Variants in SGO2 observed in about 807,000 individuals in gnomAD.
The protein encoded by SGO2 is shugoshin 2.
In SGO2, 68 loss-of-function variants were observed where a neutral mutation model predicts 99.5. That is an observed-to-expected ratio of 0.68 (90% CI 0.56 to 0.84). SGO2 has a LOEUF of 0.84. SGO2 is among the 40% of genes least tolerant of loss of function. The pLI, the probability that SGO2 is intolerant of heterozygous loss-of-function variation, is 0.00. For synonymous variants in SGO2, 457 were observed against 487.1 expected, an observed-to-expected ratio of 0.94 and a Z score of 0.81; for missense variants, 1,350 against 1,436.7, an observed-to-expected ratio of 0.94 and a Z score of 0.97.
chr2:200,531,614 C>T (rs894733374), intron 1 of SGO2, among the ~76,000 whole-genome samples: 1 of 152,134 alleles, frequency 6.6e-6, no homozygotes, highest in African/African-American at 2.4e-5. Context: ...TAGAGGACCT[C>T]ATGAGTCTGG....
In SGO2 at chr2:200,558,363, C is replaced by T. The variant is rs539898741; in HGVS notation, c.474-11300C>T. Among the ~76,000 whole-genome samples the T allele has an allele frequency of 1.2e-4, 18 of 152,006 alleles. No individual in the cohort carries two copies. In the East Asian group the frequency reaches 1.4e-3, roughly 11 times the overall value. On this transcript the variant is annotated intron_variant, in intron 5 of 8. Coordinates refer to ENST00000357799, the MANE Select transcript of SGO2 (RefSeq NM_152524.6). ...TGAATAACTACTGAATTTTATCAAA[C>T]GCTTTTTCTGTCACTATTGAGTAGA...
intron 1 of SGO2, among the ~76,000 whole-genome samples, chr2:200,531,249 T>G (rs1046763795): frequency 2.0e-5 from 3 of 152,190 alleles, no homozygotes; most frequent in African/African-American, 7.2e-5. Context: ...GAGAAAGTTC[T>G]CCACAGGTTG....
intron 8 of SGO2, among the ~76,000 whole-genome samples, chr2:200,578,554 G>A (rs895132856): frequency 6.6e-6 from 1 of 152,200 alleles, no homozygotes; most frequent in African/African-American, 2.4e-5. Context: ...ATTTCCTTGT[G>A]GTTCTGGACA....
intron 5 of SGO2, among the ~76,000 whole-genome samples, chr2:200,567,596 C>T (rs2033238607): frequency 2.0e-5 from 3 of 152,232 alleles, no homozygotes; most frequent in African/African-American, 7.2e-5. Context: ...AATCTCATAT[C>T]TATAAGCAGT....
chr2:200,528,146 T>C (rs1425036938), intron 1 of SGO2, among the ~76,000 whole-genome samples: 1 of 152,208 alleles, frequency 6.6e-6, no homozygotes, highest in African/African-American at 2.4e-5. Flanking sequence ...AGTGTCAAAT[T>C]GTATAGTACT....
At chr2:200,558,879 T>C (rs1368294415) in intron 5 of SGO2, among the ~76,000 whole-genome samples, 1 of 151,996 alleles carries the variant, frequency 6.6e-6, no homozygotes, top group African/African-American at 2.4e-5. Flanking sequence ...CTTGGCTCAC[T>C]GCAGCCTCTG....
chr2:200,562,594 G>A lies in SGO2; in HGVS notation c.474-7069G>A, dbSNP rs958704882. Among the ~76,000 whole-genome samples, 299 of 152,244 alleles carry A rather than the reference G, an allele frequency of 2.0e-3. 5 individuals carry two copies. The highest frequency in any genetic ancestry group is 3.8e-4 in the Non-Finnish European group (26 of 68,006). On this transcript the variant is annotated intron_variant, in intron 5 of 8. Coordinates refer to ENST00000357799, the MANE Select transcript of SGO2 (RefSeq NM_152524.6). ...AGTAGGTTTTTCCAATTCTGTGAAG[G>A]AAGTCATTGGTAGCTTGATGGGGAT...
intron 2 of SGO2, among the ~76,000 whole-genome samples, chr2:200,534,465 C>G (rs2031589989): frequency 1.3e-5 from 2 of 152,284 alleles, no homozygotes; most frequent in African/African-American, 4.8e-5. Context: ...GATTATCTAT[C>G]TAACATTAGA....
Position 200,572,959 on chromosome 2 carries a change from T to C in SGO2, c.2613T>C (p.Asp871=), listed in dbSNP as rs373497399. The stretch of plus-strand genomic sequence containing the variant: ...AAACAGTTGATCTTCTCATCAAAGA[T>C]AATGGAAATTTATGTGATTATGACA... ...EFQTVDLLIK[D]NGNLCDYDTQ... The change falls in exon 7 of 9, where the codon GAT becomes GAC. Residue 871 remains aspartate (D), a synonymous_variant. Coordinates refer to ENST00000357799, the MANE Select transcript of SGO2 (RefSeq NM_152524.6). The C allele has an allele frequency of 1.1e-5, 17 of 1,594,210 alleles. No individual in the cohort carries two copies. The highest frequency in any genetic ancestry group is 8.1e-5 in the African/African-American group (6 of 73,698).
At chr2:200,533,137 C>T in intron 2 of SGO2, 29 bp downstream of exon 2, 2 of 1,524,572 alleles carry the variant, frequency 1.3e-6, no homozygotes, top group South Asian at 2.6e-5. Context: ...AAAATACACT[C>T]ACGTTTTAAC....
chr2:200,572,804 C>A lies in SGO2; in HGVS notation c.2458C>A (p.Pro820Thr), dbSNP rs778666933. ...TGTATGTCAAAAGTCAGAAATAATT[C>A]CTGAAACCAACCAAATATATGAGAA... ...LNVCQKSEII[P>T]ETNQIYENDN... The change falls in exon 7 of 9, where the codon CCT becomes ACT. Residue 820 changes from proline (P) to threonine (T), a missense_variant. Physicochemically the swap from Pro to Thr is conservative, Grantham distance 38. Coordinates refer to ENST00000357799, the MANE Select transcript of SGO2 (RefSeq NM_152524.6). 1 of 1,611,980 alleles carries A rather than the reference C, an allele frequency of 6.2e-7. No homozygotes were observed. Among genetic ancestry groups the A allele is most frequent in the African/African-American group, 1.3e-5 (1 of 74,750 alleles).
chr2:200,557,070 T>C (rs985474312), intron 5 of SGO2, among the ~76,000 whole-genome samples: 2 of 152,184 alleles, frequency 1.3e-5, no homozygotes, highest in African/African-American at 4.8e-5. Context: ...CCCATGAACA[T>C]GTATGTGCCT....
chr2:200,548,454 T>C (rs1168776666), intron 5 of SGO2, among the ~76,000 whole-genome samples: 1 of 152,020 alleles, frequency 6.6e-6, no homozygotes, highest in East Asian at 1.9e-4. Context: ...GTGTATGGGG[T>C]ATGGCAAAAG....
intron 4 of SGO2, among the ~76,000 whole-genome samples, chr2:200,541,315 C>T (rs753468501): frequency 6.6e-6 from 1 of 152,160 alleles, no homozygotes; most frequent in Non-Finnish European, 1.5e-5. Context: ...CTGCTTTGAT[C>T]GTCCCAGGGT....
chr2:200,580,425 C>T (rs981760365), intron 8 of SGO2: 52 of 393,204 alleles, frequency 1.3e-4, no homozygotes, highest in African/African-American at 1.1e-3. Context: ...CTCTACTTCA[C>T]TGACTTCTGC....
chr2:200,574,012 T>TAGA (rs1325371884), intron 7 of SGO2, 35 bp downstream of exon 7: 12 of 1,477,218 alleles, frequency 8.1e-6, no homozygotes, highest in African/African-American at 2.8e-5. Flanking sequence ...GATAAAGTTT[T>TAGA]AGAAGTGTTT....
chr2:200,561,162 T>C (rs1015277788), intron 5 of SGO2, among the ~76,000 whole-genome samples: 1 of 152,200 alleles, frequency 6.6e-6, no homozygotes, highest in Non-Finnish European at 1.5e-5. Context: ...GTCATTTACA[T>C]TAGGTATGTT....
chr2:200,527,490 G>T (rs1431562227), intron 1 of SGO2, among the ~76,000 whole-genome samples: 1 of 152,184 alleles, frequency 6.6e-6, no homozygotes, highest in African/African-American at 2.4e-5. Flanking sequence ...ACGTTTAAAA[G>T]AACTGTTGAG....
intron 1 of SGO2, among the ~76,000 whole-genome samples, chr2:200,532,145 GCCATGATTGATAAAGTGAGCTGAGT>G (rs1031166529): frequency 1.8e-4 from 28 of 152,154 alleles, no homozygotes; most frequent in African/African-American, 6.0e-4. Flanking sequence ...AGGGATTCTT[GCCATGATTGATAAAGTGAGCTGAGT>G]CCTGGATTGA....
Sources: gnomAD v4.1 joint callset for allele counts (sites outside exome capture counted in the v4.1 genomes callset) on GRCh38, gnomAD v4.1.1 for gene constraint, MANE v1.5 for transcripts, NCBI Gene and HGNC (gene_info 2026-07-23, HGNC 2026-07-21) for gene names.